IMPA2: variants seen among roughly 807,000 people sequenced by gnomAD.
IMPA2 encodes inositol monophosphatase 2.
IMPA2 carries 32 observed loss-of-function variants against 35.1 expected under a neutral mutation model. The ratio of observed to expected loss-of-function variants is 0.91; its 90% CI spans 0.69 to 1.23. The LOEUF (loss-of-function observed/expected upper bound fraction) is 1.23. Among genes scored for constraint, IMPA2 ranks in the 50% most tolerant of loss-of-function variants. The probability of loss-of-function intolerance (pLI) is 0.00; values close to 1 mark genes in which losing one functional copy is unlikely to be tolerated. For synonymous variants in IMPA2, 135 were observed against 160.6 expected, an observed-to-expected ratio of 0.84 and a Z score of 1.20; for missense variants, 334 against 387.6, an observed-to-expected ratio of 0.86 and a Z score of 1.16.
intron 1 of IMPA2, among the ~76,000 whole-genome samples, chr18:11,984,209 C>T (rs1263631293): frequency 1.3e-5 from 2 of 152,226 alleles, no homozygotes; most frequent in Admixed American, 6.5e-5. Context: ...TGGCAGGCTT[C>T]CCTGTCCCAG....
At chr18:12,022,528 A>AATATAT (rs202132842) in intron 5 of IMPA2, among the ~76,000 whole-genome samples, 2,961 of 96,574 alleles carry the variant, frequency 0.031, 174 homozygotes, top group African/African-American at 0.12. Context: ...TCTCAAAAAG[A>AATATAT]ATATATATAT....
At chr18:12,012,664 C>T (rs1907467436) in intron 4 of IMPA2, among the ~76,000 whole-genome samples, 1 of 152,280 alleles carries the variant, frequency 6.6e-6, no homozygotes, top group South Asian at 2.1e-4. Context: ...TTCATGGTTC[C>T]CATAGACCTT....
intron 1 of IMPA2, among the ~76,000 whole-genome samples, chr18:11,988,255 C>T (rs1452871903): frequency 2.6e-5 from 4 of 152,314 alleles, no homozygotes; most frequent in Non-Finnish European, 5.9e-5. Flanking sequence ...ATCCACCCAC[C>T]TTGGCCTCCC....
chr18:12,006,040 G>A (rs892604089), intron 2 of IMPA2, among the ~76,000 whole-genome samples: 1 of 152,166 alleles, frequency 6.6e-6, no homozygotes, highest in African/African-American at 2.4e-5. Context: ...TTCAGGGTGT[G>A]GAGCGTTTTC....
At position 12,028,167 on chromosome 18, in the gene IMPA2, CG is replaced by C. The variant is rs762058884; in HGVS notation, c.599+20del. Reference sequence around the variant, plus strand: ...AGGCGCATGGGTAGGAGGTTCAGTTCGGGGAACACCCTGCAGCCCGAGGAGG... The same window carrying C: ...AGGCGCATGGGTAGGAGGTTCAGTTCGGGAACACCCTGCAGCCCGAGGAGG... On this transcript the variant is annotated intron_variant, in intron 6 of 7. Transcript: ENST00000269159. The C allele has an allele frequency of 7.6e-5, 115 of 1,506,674 alleles. No individual in the cohort carries two copies. Among genetic ancestry groups the C allele is most frequent in the Middle Eastern group, 1.7e-4 (1 of 5,876 alleles). The allele number at this position is 1,506,674 out of a possible 1,614,324, so 93.3% of individuals were successfully genotyped here.
chr18:11,995,791 A>C (rs963734662), intron 1 of IMPA2, among the ~76,000 whole-genome samples: 6 of 152,356 alleles, frequency 3.9e-5, no homozygotes. Context: ...CTGGGTGGTC[A>C]GCACTCACAC....
intron 2 of IMPA2, among the ~76,000 whole-genome samples, chr18:12,007,653 TTCTTTCTTTCTTTC>T (rs1194756505): frequency 1.8e-5 from 2 of 113,884 alleles, no homozygotes; most frequent in Non-Finnish European, 3.5e-5. Context: ...CTTTCTTTCT[TTCTTTCTTTCTTTC>T]TTTCTTTCTT....
intron 5 of IMPA2, among the ~76,000 whole-genome samples, chr18:12,023,429 A>G (rs1907791352): frequency 6.6e-6 from 1 of 152,154 alleles, no homozygotes; most frequent in Non-Finnish European, 1.5e-5. Context: ...TCAGCAAGTG[A>G]AAAATTGCTG....
At chr18:12,025,965 A>G (rs1253553590) in intron 5 of IMPA2, among the ~76,000 whole-genome samples, 1 of 151,430 alleles carries the variant, frequency 6.6e-6, no homozygotes, top group Non-Finnish European at 1.5e-5. Flanking sequence ...TGTGAGTCCA[A>G]TTTCTATTTT....
At chr18:11,984,829 G>C (rs1409433405) in intron 1 of IMPA2, among the ~76,000 whole-genome samples, 1 of 151,056 alleles carries the variant, frequency 6.6e-6, no homozygotes, top group South Asian at 2.2e-4. Context: ...TTAGCCGGGC[G>C]TGGTGGCGGG....
rs368602716 is a variant in IMPA2 at position 12,028,158 on chromosome 18, G to A, written c.599+7G>A. ...TGCATGCCAAGGCGCATGGGTAGGAGGTTCAGTTCGGGGAACACCCTGCAG... is the reference window on the plus strand; with the variant it reads ...TGCATGCCAAGGCGCATGGGTAGGAAGTTCAGTTCGGGGAACACCCTGCAG... On this transcript the variant is annotated splice_region_variant and intron_variant, in intron 6 of 7. Coordinates refer to ENST00000269159, the MANE Select transcript of IMPA2 (RefSeq NM_014214.3). The A allele has an allele frequency of 7.0e-6, 11 of 1,568,442 alleles. No homozygotes were observed. In the African/African-American group the frequency reaches 1.3e-4, roughly 19 times the overall value.
chr18:12,016,447 A>T (rs1385677820), intron 5 of IMPA2, among the ~76,000 whole-genome samples: 3 of 143,894 alleles, frequency 2.1e-5, no homozygotes, highest in Non-Finnish European at 4.5e-5. Flanking sequence ...TTTTTCTGAG[A>T]TGGAGTCTTG....
At chr18:12,017,375 C>T (rs892598329) in intron 5 of IMPA2, among the ~76,000 whole-genome samples, 2 of 152,196 alleles carry the variant, frequency 1.3e-5, no homozygotes, top group Non-Finnish European at 2.9e-5. Flanking sequence ...TGCTCTCTTA[C>T]AAATACAATC....
chr18:11,990,016 C>G lies in IMPA2; in HGVS notation c.96+8251C>G, dbSNP rs2143778110. ...GGGGAGTTCCGGAGTCTAGGCCCCT[C>G]CCTCTCTCCTGGCCTCCTCCTGGGC... is the stretch of plus-strand genomic sequence containing the variant. On this transcript the variant is annotated intron_variant, in intron 1 of 7. Transcript: ENST00000269159. Among the ~76,000 whole-genome samples, 2 of 152,276 alleles carry G rather than the reference C, an allele frequency of 1.3e-5. 1 individual carries two copies. The highest frequency in any genetic ancestry group is 4.1e-4 in the South Asian group (2 of 4,820).
At chr18:12,017,487 C>T in intron 5 of IMPA2, 1 of 227,562 alleles carries the variant, frequency 4.4e-6, no homozygotes, top group South Asian at 4.2e-5. Flanking sequence ...TGGAAAGTGG[C>T]CTCCTAAGGT....
At chr18:11,984,151 C>A (rs1227515624) in intron 1 of IMPA2, among the ~76,000 whole-genome samples, 1 of 152,224 alleles carries the variant, frequency 6.6e-6, no homozygotes, top group Non-Finnish European at 1.5e-5. Flanking sequence ...TGGTTCCGCT[C>A]AAGGTGGCCC....
In IMPA2 at chr18:12,015,909, C is replaced by A. The variant is rs147914954; in HGVS notation, c.490+1536C>A. 1.7e-3 allele frequency among the ~76,000 whole-genome samples: 263 copies of A among 152,270 alleles called. 2 individuals carry two copies. Among genetic ancestry groups the A allele is most frequent in the Non-Finnish European group, 2.8e-3 (190 of 68,018 alleles). ...TAACATGCTCTTGGCATCCTGGCTG[C>A]CCGCCCGTGTAGCTCAGTCAGGCTG... On this transcript the variant is annotated intron_variant, in intron 5 of 7. Transcript: ENST00000269159.
intron 5 of IMPA2, among the ~76,000 whole-genome samples, chr18:12,014,589 T>G (rs1022933506): frequency 6.6e-6 from 1 of 152,140 alleles, no homozygotes; most frequent in Non-Finnish European, 1.5e-5. Context: ...AACCTCATTC[T>G]GCTTTGCGCT....
Position 12,028,211 on chromosome 18 carries a change from T to G in IMPA2, c.599+60T>G. 3.7e-6 allele frequency: 4 copies of G among 1,089,404 alleles called. No homozygotes were observed. The East Asian group carries it at 7.1e-5, about 19-fold the overall frequency. The allele number at this position is 1,089,404 out of a possible 1,614,324, so 67.5% of individuals were successfully genotyped here. A position where few individuals can be genotyped will look rare whatever the true frequency, so the allele number is the denominator to read the frequency against. ...CGAGGAGGAAGAACGGAACACGGAC[T>G]TGCTAAAACTCCCCTGGGATTTGAG... On this transcript the variant is annotated intron_variant, in intron 6 of 7. Coordinates refer to ENST00000269159, the MANE Select transcript of IMPA2 (RefSeq NM_014214.3).
Sources: allele counts gnomAD v4.1 joint callset (sites outside exome capture counted in the v4.1 genomes callset), GRCh38; gene constraint gnomAD v4.1.1; transcripts MANE v1.5; gene names NCBI Gene and HGNC (gene_info 2026-07-23, HGNC 2026-07-21).